PIK3R5: variants seen among roughly 807,000 people sequenced by gnomAD.
PIK3R5 encodes phosphoinositide-3-kinase regulatory subunit 5.
Under a neutral mutation model 94.9 loss-of-function variants are expected in PIK3R5, and 32 were observed. The observed-to-expected ratio is 0.34, with a 90% confidence interval of 0.25 to 0.45. The LOEUF is 0.45. Ranked by LOEUF, PIK3R5 falls within the 20% of genes least tolerant of loss-of-function variation. The pLI, the probability that PIK3R5 is intolerant of heterozygous loss-of-function variation, is 1.00. For missense variants in PIK3R5, 853 were observed against 1,144.6 expected (o/e 0.75, Z 3.68); for synonymous variants, 443 against 479.4 (o/e 0.92, Z 0.99).
chr17:8,958,636 T>C (rs1010343560), intron 1 of PIK3R5, among the ~76,000 whole-genome samples: 1 of 152,234 alleles, frequency 6.6e-6, no homozygotes, highest in African/African-American at 2.4e-5. Context: ...AGCTCATGCC[T>C]GTCCCTGGGA....
At chr17:8,901,299 C>T (rs942839484) in intron 5 of PIK3R5, among the ~76,000 whole-genome samples, 68 of 152,214 alleles carry the variant, frequency 4.5e-4, no homozygotes, top group Admixed American at 2.8e-3. Context: ...TAAATCTCCA[C>T]CCAAGTCTCT....
In PIK3R5 at chr17:8,886,666, A is replaced by G. The variant is rs2089866835; in HGVS notation, c.1906-61T>C. ...GGTGGGTGGATAGATGGTAAGAAGG[A>G]GCAAGAATTAGGGAGGAAGAGAGAA... is the stretch of plus-strand genomic sequence containing the variant. On this transcript the variant is annotated intron_variant, in intron 12 of 18. Transcript: ENST00000447110. 31 of 1,510,314 alleles carry G rather than the reference A, an allele frequency of 2.1e-5. 1 individual carries two copies. In the South Asian group the frequency reaches 4.1e-4, roughly 20 times the overall value. The allele number at this position is 1,510,314 out of a possible 1,614,324, so 93.6% of individuals were successfully genotyped here. A position where few individuals can be genotyped will look rare whatever the true frequency, so the allele number is the denominator to read the frequency against.
In PIK3R5 at chr17:8,929,884, T is replaced by G. The variant is rs146525933; in HGVS notation, c.-13-18377A>C. Among the ~76,000 whole-genome samples, 403 of 152,192 alleles carry G rather than the reference T, an allele frequency of 2.6e-3. 1 individual carries two copies. The highest frequency in any genetic ancestry group is 7.6e-3 in the African/African-American group (315 of 41,512). On this transcript the variant is annotated intron_variant, in intron 1 of 18. Transcript: ENST00000447110. Reference sequence around the variant, plus strand: ...CAATGTACACTACTCAGATGGTGGATCCACTAAAATCCCAGACTTAACAAC... The same window carrying G: ...CAATGTACACTACTCAGATGGTGGAGCCACTAAAATCCCAGACTTAACAAC...
intron 4 of PIK3R5, among the ~76,000 whole-genome samples, 159 bp downstream of exon 4, chr17:8,905,510 T>C (rs899293157): frequency 6.6e-6 from 1 of 152,122 alleles, no homozygotes; most frequent in Non-Finnish European, 1.5e-5. Flanking sequence ...TCATGGTGGC[T>C]GCTCTGAAGC....
At chr17:8,938,136 A>C (rs1382027601) in intron 1 of PIK3R5, among the ~76,000 whole-genome samples, 3 of 152,146 alleles carry the variant, frequency 2.0e-5, no homozygotes, top group Non-Finnish European at 4.4e-5. Context: ...GTTTGGTAGA[A>C]TTCACCAGTG....
chr17:8,888,433 G>T lies in PIK3R5; in HGVS notation c.1354C>A (p.Pro452Thr). 2 of 1,598,902 alleles carry T rather than the reference G, an allele frequency of 1.3e-6. No individual in the cohort carries two copies. The highest frequency in any genetic ancestry group is 1.7e-6 in the Non-Finnish European group (2 of 1,174,026). ...CAGAGGCTCCCTGCCCGCCTCAGGG[G>T]CAGGGCCGTGTCCGAGCTGCCCTCC... Reference protein sequence around the residue: ...SLEGSSDTALPLRRAGSLCSP... With the variant: ...SLEGSSDTALTLRRAGSLCSP... Residue 452 changes from proline (P) to threonine (T), a missense_variant, in exon 10 of 19, where the codon CCC (proline) becomes ACC (threonine). This residue lies in a region of PIK3R5 where 319 missense variants were observed against 339.8 expected (regional missense o/e 0.94). Transcript: ENST00000447110. The surrounding 1 kb of genome is among the most constrained non-coding windows in gnomAD (Gnocchi z 7.8).
chr17:8,951,560 C>T (rs113507463), intron 1 of PIK3R5, among the ~76,000 whole-genome samples: 3 of 152,322 alleles, frequency 2.0e-5, no homozygotes, highest in Non-Finnish European at 4.4e-5. Flanking sequence ...TCATGCATAT[C>T]GTAGCATGTG....
intron 1 of PIK3R5, among the ~76,000 whole-genome samples, chr17:8,922,080 C>T (rs2090760814): frequency 6.8e-6 from 1 of 147,646 alleles, no homozygotes; most frequent in Non-Finnish European, 1.5e-5. Context: ...ACAACAAAAA[C>T]AAACCACCCG....
In PIK3R5 at chr17:8,890,054, C is replaced by CGATGCCA; in HGVS notation, c.723_729dup (p.Gly244TrpfsTer58). On this transcript the variant is annotated frameshift_variant, in exon 8 of 19. Coordinates refer to ENST00000447110, the MANE Select transcript of PIK3R5 (RefSeq NM_001142633.3). LOFTEE classifies it high-confidence loss of function. This position sits in a 1 kb window ranked among gnomAD's most constrained non-coding sequence, Gnocchi z 6.1. ...CACCGCCGGGCCTCTGCAGCATCCC[C>CGATGCCA]GATGCCAGATGCCAGCTCCTGTGCC... The CGATGCCA allele has an allele frequency of 6.2e-7, 1 of 1,614,048 alleles. No individual in the cohort carries two copies. The highest frequency in any genetic ancestry group is 8.5e-7 in the Non-Finnish European group (1 of 1,179,970).
In PIK3R5 at chr17:8,905,707, T is replaced by C. The variant is rs200972871; in HGVS notation, c.235A>G (p.Thr79Ala). ...GAATAGAAGAGCAGGGCCAGCGGGG[T>C]GAGCAGGTCGTAGGTGCCCTTCTCC... ...VQEKGTYDLL[T>A]PLALLFYSTV... is the part of the protein sequence containing the mutation. Residue 79 changes from threonine (T) to alanine (A), a missense_variant, in exon 4 of 19, where the codon ACC (threonine) becomes GCC (alanine). Physicochemically the swap from Thr to Ala is moderately conservative, Grantham distance 58 (BLOSUM62 0). This residue lies in a region of PIK3R5 where 108 missense variants were observed against 170.1 expected (regional missense o/e 0.63). Coordinates refer to ENST00000447110, the MANE Select transcript of PIK3R5 (RefSeq NM_001142633.3). The C allele has an allele frequency of 8.1e-6, 13 of 1,606,320 alleles. No individual in the cohort carries two copies. Among genetic ancestry groups the C allele is most frequent in the Non-Finnish European group, 1.1e-5 (13 of 1,176,700 alleles).
chr17:8,949,019 G>A (rs569540961), intron 1 of PIK3R5, among the ~76,000 whole-genome samples: 1 of 152,156 alleles, frequency 6.6e-6, no homozygotes, highest in Non-Finnish European at 1.5e-5. Flanking sequence ...GGAAGGAGGA[G>A]CTGCCCTGGG....
rs571704806 is a variant in PIK3R5 at position 8,909,523 on chromosome 17, G to A, written c.104-349C>T. Among the ~76,000 whole-genome samples the A allele has an allele frequency of 1.6e-4, 24 of 152,234 alleles. No individual in the cohort carries two copies. The highest frequency in any genetic ancestry group is 4.3e-4 in the African/African-American group (18 of 41,572). ...AAGATGGTCTCGATCTCCTGACCTC[G>A]TGATCCGCCCGCCTCGGACTCCCAA... On this transcript the variant is annotated intron_variant, in intron 2 of 18. Coordinates refer to ENST00000447110, the MANE Select transcript of PIK3R5 (RefSeq NM_001142633.3). The surrounding 1 kb of genome is among the most constrained non-coding windows in gnomAD (Gnocchi z 4.3).
Position 8,948,204 on chromosome 17 carries a change from G to A in PIK3R5, c.-14+17392C>T, listed in dbSNP as rs571387334. 1.2e-4 allele frequency among the ~76,000 whole-genome samples: 18 copies of A among 152,236 alleles called. 1 individual carries two copies. The highest frequency in any genetic ancestry group is 1.2e-4 in the African/African-American group (5 of 41,540). On this transcript the variant is annotated intron_variant, in intron 1 of 18. Coordinates refer to ENST00000447110, the MANE Select transcript of PIK3R5 (RefSeq NM_001142633.3). ...GACGCATGAGAGAAAGCCGAAATGCGCTCCTATGTTGCCTCCATCTTTTCC... is the reference window on the plus strand; with the variant it reads ...GACGCATGAGAGAAAGCCGAAATGCACTCCTATGTTGCCTCCATCTTTTCC...
rs1479741473 is a variant in PIK3R5 at position 8,879,949 on chromosome 17, T to A, written c.*690A>T. On this transcript the variant is annotated 3_prime_UTR_variant, in exon 19 of 19. Transcript: ENST00000447110. The surrounding 1 kb of genome is among the most constrained non-coding windows in gnomAD (Gnocchi z 4.4). The stretch of plus-strand genomic sequence containing the variant: ...TGAGCTGCTACTAAATTTAACCCTA[T>A]CCTGTCTTCTAAGAATCTCAGATTC... 1 of 152,198 alleles carries A rather than the reference T, an allele frequency of 6.6e-6. No individual in the cohort carries two copies. The highest frequency in any genetic ancestry group is 1.5e-5 in the Non-Finnish European group (1 of 68,038). 9.4% of individuals were successfully genotyped at this position (152,198 alleles called of 1,614,324 possible).
Position 8,881,908 on chromosome 17 carries a change from C to CT in PIK3R5, c.2206-28dup. 3 of 1,585,424 alleles carry CT rather than the reference C, an allele frequency of 1.9e-6. No homozygotes were observed. The highest frequency in any genetic ancestry group is 8.6e-7 in the Non-Finnish European group (1 of 1,157,586). On this transcript the variant is annotated intron_variant, in intron 15 of 18. Transcript: ENST00000447110. This position sits in a 1 kb window ranked among gnomAD's most constrained non-coding sequence, Gnocchi z 4.8. ...TGGAAATGCAGTGTAGCCAGACCCTCTGAGTCCAGAGGCCCCGGTGCCTGC... is the reference window on the plus strand; with the variant it reads ...TGGAAATGCAGTGTAGCCAGACCCTCTTGAGTCCAGAGGCCCCGGTGCCTGC...
intron 1 of PIK3R5, among the ~76,000 whole-genome samples, chr17:8,932,949 A>C (rs1332984310): frequency 6.6e-6 from 1 of 152,176 alleles, no homozygotes; most frequent in Non-Finnish European, 1.5e-5. Flanking sequence ...ATCATAGTTA[A>C]TTGCTGAAAA....
intron 1 of PIK3R5, among the ~76,000 whole-genome samples, chr17:8,960,981 A>C (rs1189540299): frequency 6.6e-6 from 1 of 152,152 alleles, no homozygotes; most frequent in Non-Finnish European, 1.5e-5. Flanking sequence ...TAGGGTGAGC[A>C]GGCCATAGCT....
chr17:8,895,554 C>T (rs1255427368), intron 5 of PIK3R5, among the ~76,000 whole-genome samples: 2 of 152,208 alleles, frequency 1.3e-5, no homozygotes, highest in Admixed American at 6.5e-5. Flanking sequence ...CTCATCCTCA[C>T]GCTGCTTGAA....
chr17:8,958,005 T>C (rs1191453356), intron 1 of PIK3R5, among the ~76,000 whole-genome samples: 2 of 152,144 alleles, frequency 1.3e-5, no homozygotes, highest in Admixed American at 6.5e-5. Flanking sequence ...GTCAAATTCA[T>C]TTCATGCAAA....
Sources: gnomAD v4.1 joint callset for allele counts (sites outside exome capture counted in the v4.1 genomes callset) on GRCh38, gnomAD v4.1.1 for gene constraint, gnomAD v4.1.1 regional missense constraint, Gnocchi (gnomAD v3.1) non-coding constraint, MANE v1.5 for transcripts, NCBI Gene and HGNC (gene_info 2026-07-23, HGNC 2026-07-21) for gene names.